KCNQ3: variants seen among roughly 807,000 people sequenced by gnomAD.
KCNQ3 encodes the protein potassium voltage-gated channel subfamily Q member 3.
KCNQ3 carries 30 observed loss-of-function variants against 92.5 expected under a neutral mutation model. The observed-to-expected ratio is 0.32, with a 90% CI of 0.24 to 0.44. The LOEUF is 0.44. Ranked by LOEUF, KCNQ3 falls within the 20% of genes least tolerant of loss-of-function variation. KCNQ3 has a pLI of 1.00. For missense variants in KCNQ3, 913 were observed against 1,140.3 expected (o/e 0.80, Z 2.87); for synonymous variants, 450 against 468.8 (o/e 0.96, Z 0.52).
At chr8:132,325,542 A>G (rs1818022709) in intron 1 of KCNQ3, among the ~76,000 whole-genome samples, 1 of 152,224 alleles carries the variant, frequency 6.6e-6, no homozygotes, top group Admixed American at 6.5e-5. Flanking sequence ...ACCTGCTCCA[A>G]TATGACTGGT....
intron 1 of KCNQ3, among the ~76,000 whole-genome samples, chr8:132,375,454 C>T (rs1399662367): frequency 4.6e-5 from 7 of 152,210 alleles, no homozygotes; most frequent in South Asian, 4.2e-4. Context: ...ATTCTGCAGC[C>T]GCTGAGAAAC....
chr8:132,232,131 T>C (rs988964062), intron 1 of KCNQ3, among the ~76,000 whole-genome samples: 9 of 152,228 alleles, frequency 5.9e-5, no homozygotes, highest in African/African-American at 1.9e-4. Flanking sequence ...CATTCCCCTA[T>C]ATCAGAGGAG....
chr8:132,234,108 G>GT (rs926309255), intron 1 of KCNQ3, among the ~76,000 whole-genome samples: 2 of 152,080 alleles, frequency 1.3e-5, no homozygotes. Flanking sequence ...TATGTCTGTA[G>GT]TTTTTTTGCA....
chr8:132,272,776 G>A lies in KCNQ3; in HGVS notation c.387-86595C>T, dbSNP rs60771679. ...ACTGGGTCCCTCCCATGACATGTGG[G>A]AATTGTGGGAGTTAAAATTCAAGAT... On this transcript the variant is annotated intron_variant, in intron 1 of 14. Coordinates refer to ENST00000388996, the MANE Select transcript of KCNQ3 (RefSeq NM_004519.4). Among the ~76,000 whole-genome samples the A allele has an allele frequency of 9.1e-3, 1,381 of 152,202 alleles. 18 individuals are homozygous for A. Among genetic ancestry groups the A allele is most frequent in the African/African-American group, 0.032 (1,314 of 41,520 alleles).
At chr8:132,142,335 G>A (rs1371017650) in intron 9 of KCNQ3, among the ~76,000 whole-genome samples, 5 of 152,144 alleles carry the variant, frequency 3.3e-5, no homozygotes, top group Non-Finnish European at 7.4e-5. Flanking sequence ...CCATCTGGCT[G>A]ACCTTCGGCA....
intron 9 of KCNQ3, among the ~76,000 whole-genome samples, chr8:132,146,552 T>G (rs1825455559): frequency 6.6e-6 from 1 of 151,966 alleles, no homozygotes; most frequent in Admixed American, 6.6e-5. Flanking sequence ...TTCTGAAGAT[T>G]GGTTTCATAA....
intron 9 of KCNQ3, among the ~76,000 whole-genome samples, chr8:132,146,628 C>G (rs1223644649): frequency 6.7e-6 from 1 of 149,760 alleles, no homozygotes; most frequent in Non-Finnish European, 1.5e-5. Context: ...GGTCTACACT[C>G]TGTCATCCAG....
At chr8:132,355,940 A>C (rs73710554) in intron 1 of KCNQ3, among the ~76,000 whole-genome samples, 2,794 of 152,322 alleles carry the variant, frequency 0.018, 75 homozygotes, top group African/African-American at 0.059. Flanking sequence ...GTCAAATAAC[A>C]AAAGGCAAAT....
chr8:132,419,510 T>C (rs1000234039), intron 1 of KCNQ3, among the ~76,000 whole-genome samples: 7 of 152,202 alleles, frequency 4.6e-5, no homozygotes, highest in African/African-American at 1.7e-4. Flanking sequence ...AGACAGAGCC[T>C]TTCTTAGCCT....
chr8:132,252,894 A>G (rs1422942005), intron 1 of KCNQ3, among the ~76,000 whole-genome samples: 1 of 152,182 alleles, frequency 6.6e-6, no homozygotes, highest in Non-Finnish European at 1.5e-5. Context: ...CACAGCATAT[A>G]GACATTCAGA....
intron 1 of KCNQ3, among the ~76,000 whole-genome samples, chr8:132,393,958 G>C (rs2130774563): frequency 6.6e-6 from 1 of 152,328 alleles, no homozygotes; most frequent in East Asian, 1.9e-4. Flanking sequence ...CTGCCAGCCA[G>C]GGTTTGCCAG....
chr8:132,391,457 G>A (rs1325355260), intron 1 of KCNQ3, among the ~76,000 whole-genome samples: 2 of 152,022 alleles, frequency 1.3e-5, no homozygotes, highest in Non-Finnish European at 2.9e-5. Context: ...TATGTGCCCA[G>A]CTAACAAATG....
Position 132,170,422 on chromosome 8 carries a change from A to T in KCNQ3, c.1147T>A (p.Trp383Arg). The change falls in exon 8 of 15, where the codon TGG (tryptophan) becomes AGG (arginine). Residue 383 changes from tryptophan (W) to arginine (R), a missense_variant. Physicochemically the swap from Trp to Arg is moderately radical, Grantham distance 101. Around this residue, in one of 6 missense-constraint regions of KCNQ3, gnomAD observed 52 missense variants for 127.7 expected, o/e 0.41. Transcript: ENST00000388996. ...KPAAELIQAA[W>R]RYYATNPNRI... ...TTGGGGTTGGTAGCATAATACCTCC[A>T]GGCAGCCTGAGGGGCAGAAAAGAGG... 1 of 1,611,880 alleles carries T rather than the reference A, an allele frequency of 6.2e-7. No individual in the cohort carries two copies. Among genetic ancestry groups the T allele is most frequent in the Non-Finnish European group, 8.5e-7 (1 of 1,178,216 alleles).
intron 1 of KCNQ3, among the ~76,000 whole-genome samples, chr8:132,392,640 A>G (rs1222762932): frequency 6.6e-6 from 1 of 150,742 alleles, no homozygotes; most frequent in Non-Finnish European, 1.5e-5. Context: ...TGACTCTACA[A>G]TTTTTTTTTA....
intron 1 of KCNQ3, chr8:132,277,922 CCTTAG>C: frequency 9.1e-6 from 9 of 984,642 alleles, no homozygotes; most frequent in Non-Finnish European, 1.1e-5. Context: ...ACCTCCCTCT[CCTTAG>C]CTTCTCACTG....
chr8:132,371,524 A>G lies in KCNQ3; in HGVS notation c.386+108623T>C, dbSNP rs538663723. ...TGAGATGGAAATGACTGGCAAGTAAATAAATACAACCTATGGCTACCTTCA... is the reference window on the plus strand; with the variant it reads ...TGAGATGGAAATGACTGGCAAGTAAGTAAATACAACCTATGGCTACCTTCA... On this transcript the variant is annotated intron_variant, in intron 1 of 14. Coordinates refer to ENST00000388996, the MANE Select transcript of KCNQ3 (RefSeq NM_004519.4). Among the ~76,000 whole-genome samples the G allele has an allele frequency of 4.6e-5, 7 of 152,342 alleles. No individual in the cohort carries two copies. In the South Asian group the frequency reaches 1.4e-3, roughly 32 times the overall value.
At chr8:132,235,757 A>G (rs73708591) in intron 1 of KCNQ3, among the ~76,000 whole-genome samples, 2,162 of 152,238 alleles carry the variant, frequency 0.014, 52 homozygotes, top group African/African-American at 0.05. Context: ...TACTCTGCTC[A>G]CTTCTGGAGG....
At chr8:132,373,888 C>T (rs1026800228) in intron 1 of KCNQ3, among the ~76,000 whole-genome samples, 3 of 152,142 alleles carry the variant, frequency 2.0e-5, no homozygotes, top group Admixed American at 1.3e-4. Context: ...CCCCTGCAGG[C>T]CACGGCAACC....
intron 1 of KCNQ3, among the ~76,000 whole-genome samples, chr8:132,415,893 G>C: frequency 6.6e-6 from 1 of 152,186 alleles, no homozygotes; most frequent in East Asian, 1.9e-4. Context: ...CAATAATCAT[G>C]AACAAAATAT....
Sources: allele counts gnomAD v4.1 joint callset (sites outside exome capture counted in the v4.1 genomes callset), GRCh38; gene constraint gnomAD v4.1.1; regional missense constraint gnomAD v4.1.1; transcripts MANE v1.5; gene names NCBI Gene and HGNC (gene_info 2026-07-23, HGNC 2026-07-21).